The following PTPRG variants were observed in gnomAD, a reference collection of about 807,000 sequenced individuals.
PTPRG encodes protein tyrosine phosphatase receptor type G.
A neutral mutation model predicts 165.3 loss-of-function variants in PTPRG; 102 were observed. That is an observed-to-expected ratio of 0.62 (90% CI 0.53 to 0.73). The LOEUF (loss-of-function observed/expected upper bound fraction) is 0.73. Among genes scored for constraint, PTPRG ranks in the 30% least tolerant of loss-of-function variants. PTPRG has a pLI of 0.00. For synonymous variants in PTPRG, 675 were observed against 669.5 expected (o/e 1.01, Z -0.13); for missense variants, 1,866 against 1,861.4 (o/e 1.00, Z -0.05).
chr3:61,790,962 G>T (rs2034851455), intron 2 of PTPRG, among the ~76,000 whole-genome samples: 1 of 152,102 alleles, frequency 6.6e-6, no homozygotes. Flanking sequence ...AAGGATATTT[G>T]TAATTAAAAT....
intron 1 of PTPRG, among the ~76,000 whole-genome samples, chr3:61,565,017 C>T (rs1699873161): frequency 6.6e-6 from 1 of 152,214 alleles, no homozygotes; most frequent in African/African-American, 2.4e-5. Flanking sequence ...TAGGGTCGTC[C>T]TTGTGAGGTC....
In PTPRG at chr3:62,191,475, G is replaced by C. The variant is rs1699818048; in HGVS notation, c.1040G>C (p.Ser347Thr). 2 of 1,613,444 alleles carry C rather than the reference G, an allele frequency of 1.2e-6. No individual in the cohort carries two copies. Among genetic ancestry groups the C allele is most frequent in the African/African-American group, 2.7e-5 (2 of 74,890 alleles). ...PLGTEASKVC[S>T]SPPIHMKVQP... ...GAGCCCTGTGTATCTTCAGTTTGCA[G>C]CTCTCCACCCATCCACATGAAGGTG... Residue 347 changes from serine to threonine, a missense_variant, in exon 9 of 30, where the codon AGC (serine) becomes ACC (threonine). By Grantham distance (58) the Ser-to-Thr change is moderately conservative. Transcript: ENST00000474889.
At chr3:62,148,718 C>T (rs952346848) in intron 6 of PTPRG, among the ~76,000 whole-genome samples, 17 of 152,022 alleles carry the variant, frequency 1.1e-4, no homozygotes, top group African/African-American at 3.9e-4. Context: ...GCTGAGGTCA[C>T]GCCACTGCAC....
rs1343103075 is a variant in PTPRG, at chr3:61,978,488, ATGTAATAAAATAAGTT to A, written c.191-11121_191-11106del. Among the ~76,000 whole-genome samples, 4 of 130,000 alleles carry A rather than the reference ATGTAATAAAATAAGTT, an allele frequency of 3.1e-5. No homozygotes were observed. In the South Asian group the frequency reaches 9.7e-4, roughly 32 times the overall value. The allele number at this position is 130,000 out of a possible 152,430, so 85.3% of individuals were successfully genotyped here. A position where few individuals can be genotyped will look rare whatever the true frequency, so the allele number is the denominator to read the frequency against. ...TAGTTTTGGACCATTGCATAGTATT[ATGTAATAAAATAAGTT>A]TGTAATAAAATAAGTGGTGGATATT... is the stretch of plus-strand genomic sequence containing the variant. On this transcript the variant is annotated intron_variant, in intron 2 of 29. Transcript: ENST00000474889.
At chr3:61,652,123 G>A (rs2106987606) in intron 1 of PTPRG, among the ~76,000 whole-genome samples, 1 of 152,156 alleles carries the variant, frequency 6.6e-6, no homozygotes. Context: ...GCCTGGCCAA[G>A]ATGGTAAAAC....
intron 6 of PTPRG, among the ~76,000 whole-genome samples, chr3:62,154,538 A>C (rs1479407519): frequency 2.0e-5 from 3 of 152,158 alleles, no homozygotes; most frequent in Admixed American, 2.0e-4. Flanking sequence ...CTGCCCAATC[A>C]GCGTTCCCCT....
intron 3 of PTPRG, among the ~76,000 whole-genome samples, chr3:61,993,243 G>A (rs914433242): frequency 1.3e-5 from 2 of 151,166 alleles, no homozygotes; most frequent in African/African-American, 4.9e-5. Context: ...TTGAGATGGA[G>A]TTTTGATCTT....
At chr3:62,010,087 T>C (rs1207219304) in intron 4 of PTPRG, among the ~76,000 whole-genome samples, 1 of 151,988 alleles carries the variant, frequency 6.6e-6, no homozygotes, top group African/African-American at 2.4e-5. Flanking sequence ...CCAGCTAATG[T>C]TTTTTATTTT....
intron 2 of PTPRG, among the ~76,000 whole-genome samples, chr3:61,971,650 A>G (rs2040387430): frequency 1.3e-5 from 2 of 152,214 alleles, no homozygotes; most frequent in Non-Finnish European, 2.9e-5. Context: ...AAGAGAGGAG[A>G]TGTCACATAG....
intron 4 of PTPRG, among the ~76,000 whole-genome samples, chr3:62,069,818 G>C (rs1701152108): frequency 6.6e-6 from 1 of 152,106 alleles, no homozygotes; most frequent in African/African-American, 2.4e-5. Context: ...GGAAACCTGA[G>C]CTCAATCTGT....
intron 1 of PTPRG, among the ~76,000 whole-genome samples, chr3:61,736,015 C>G (rs1429715381): frequency 1.3e-5 from 2 of 151,030 alleles, no homozygotes; most frequent in Non-Finnish European, 1.5e-5. Context: ...TCAAGTGATT[C>G]TCCTGCCTCA....
chr3:62,113,502 C>T (rs1034777259), intron 5 of PTPRG, among the ~76,000 whole-genome samples: 1 of 151,978 alleles, frequency 6.6e-6, no homozygotes, highest in Non-Finnish European at 1.5e-5. Context: ...ATACACATAC[C>T]AAATTATATA....
intron 2 of PTPRG, among the ~76,000 whole-genome samples, chr3:61,903,125 C>G (rs2038540557): frequency 6.6e-6 from 1 of 152,278 alleles, no homozygotes; most frequent in Middle Eastern, 3.4e-3. Flanking sequence ...AAACCATGCT[C>G]TCTCCCCTCT....
At chr3:62,269,671 CAAT>C (rs1425674966) in intron 20 of PTPRG, among the ~76,000 whole-genome samples, 1 of 152,120 alleles carries the variant, frequency 6.6e-6, no homozygotes, top group Non-Finnish European at 1.5e-5. Context: ...CTGGTGTTAA[CAAT>C]AATACCCTTC....
intron 4 of PTPRG, among the ~76,000 whole-genome samples, chr3:62,006,057 A>G (rs1474402498): frequency 6.6e-6 from 1 of 151,918 alleles, no homozygotes; most frequent in Non-Finnish European, 1.5e-5. Flanking sequence ...TCAGTTTTAC[A>G]TTTCTCAGAG....
intron 2 of PTPRG, among the ~76,000 whole-genome samples, chr3:61,782,796 T>A (rs1474206949): frequency 1.3e-5 from 2 of 152,034 alleles, no homozygotes; most frequent in Non-Finnish European, 1.5e-5. Context: ...CGTGTTTTGT[T>A]TTGTTTTGTT....
In PTPRG at chr3:62,192,405, T is replaced by G. The variant is rs1466130198; in HGVS notation, c.1218+752T>G. On this transcript the variant is annotated intron_variant, in intron 9 of 29. Transcript: ENST00000474889. ...CCACAACTACTGTCTTTTTTTTTTT[T>G]TTTTTTTTTTTTTTTTTTTTTGAGA... Among the ~76,000 whole-genome samples the G allele has an allele frequency of 2.0e-4, 24 of 117,198 alleles. 2 individuals are homozygous for G. The highest frequency in any genetic ancestry group is 7.2e-4 in the African/African-American group (23 of 31,770). The allele number at this position is 117,198 out of a possible 152,430, so 76.9% of individuals were successfully genotyped here.
chr3:61,787,150 T>C (rs559018085), intron 2 of PTPRG, among the ~76,000 whole-genome samples: 3 of 152,290 alleles, frequency 2.0e-5, no homozygotes, highest in Admixed American at 2.0e-4. Context: ...TAATATTTCG[T>C]TGAGTTGAAA....
chr3:61,852,934 A>G (rs2037005077), intron 2 of PTPRG, among the ~76,000 whole-genome samples: 1 of 152,200 alleles, frequency 6.6e-6, no homozygotes, highest in African/African-American at 2.4e-5. Flanking sequence ...TTATGAGTAA[A>G]GTAGACATTG....
Sources: allele counts gnomAD v4.1 joint callset (sites outside exome capture counted in the v4.1 genomes callset), GRCh38; gene constraint gnomAD v4.1.1; transcripts MANE v1.5; gene names NCBI Gene and HGNC (gene_info 2026-07-23, HGNC 2026-07-21).